The following SCAMP1 variants were observed in gnomAD, a reference collection of about 807,000 sequenced individuals.
The protein encoded by SCAMP1 is secretory carrier membrane protein 1.
Under a neutral mutation model 41.8 loss-of-function variants are expected in SCAMP1, and 15 were observed. That is an observed-to-expected ratio of 0.36 (90% CI 0.24 to 0.55). SCAMP1 has a LOEUF of 0.55. Ranked by LOEUF, SCAMP1 falls within the 20% of genes least tolerant of loss-of-function variation. The probability of loss-of-function intolerance (pLI) is 0.86; values close to 1 mark genes in which losing one functional copy is unlikely to be tolerated. For missense variants in SCAMP1, 341 were observed against 412.6 expected (o/e 0.83, Z 1.50); for synonymous variants, 135 against 136.8 (o/e 0.99, Z 0.09).
intron 6 of SCAMP1, among the ~76,000 whole-genome samples, chr5:78,427,144 T>C (rs1239056124): frequency 6.6e-6 from 1 of 152,148 alleles, no homozygotes; most frequent in Non-Finnish European, 1.5e-5. Context: ...GGTGCCAGCA[T>C]TTGCTTCTAG....
intron 3 of SCAMP1, 126 bp from the exon 4 acceptor site, chr5:78,416,415 T>A: frequency 1.6e-6 from 1 of 641,570 alleles, no homozygotes; most frequent in Non-Finnish European, 2.6e-6. Flanking sequence ...TTCAGTAAAT[T>A]CCTGTACTTT....
chr5:78,425,203 T>C (rs1305428920), intron 6 of SCAMP1, among the ~76,000 whole-genome samples: 2 of 152,232 alleles, frequency 1.3e-5, no homozygotes, highest in Admixed American at 1.3e-4. Context: ...AAGACAATTT[T>C]CAAAGTAGTA....
Position 78,456,353 on chromosome 5 carries a change from T to G in SCAMP1, c.735-2892T>G, listed in dbSNP as rs1753400227. 3.3e-5 allele frequency among the ~76,000 whole-genome samples: 5 copies of G among 152,196 alleles called. 1 individual carries two copies. The South Asian group carries it at 1.0e-3, about 32-fold the overall frequency. On this transcript the variant is annotated intron_variant, in intron 7 of 8. Coordinates refer to ENST00000621999, the MANE Select transcript of SCAMP1 (RefSeq NM_004866.6). ...GTTCTTTTCCATGTTTAGCGTTTCC[T>G]TCAGGAACTCTTTTAGGGCAGGCCT...
chr5:78,439,562 T>C (rs1417854865), intron 6 of SCAMP1, among the ~76,000 whole-genome samples: 1 of 152,254 alleles, frequency 6.6e-6, no homozygotes, highest in Non-Finnish European at 1.5e-5. Flanking sequence ...TTCTGGCTTG[T>C]AGGGTTTTTG....
chr5:78,417,293 A>G lies in SCAMP1; in HGVS notation c.343+644A>G, dbSNP rs1425783930. ...GCAATGCAAAGCTAGAACAATAACA[A>G]TATACAGAACTATTTCTTTTTAACT... On this transcript the variant is annotated intron_variant, in intron 4 of 8. Transcript: ENST00000621999. Among the ~76,000 whole-genome samples, 3 of 152,366 alleles carry G rather than the reference A, an allele frequency of 2.0e-5. 1 individual carries two copies. The highest frequency in any genetic ancestry group is 4.1e-4 in the South Asian group (2 of 4,826).
intron 6 of SCAMP1, among the ~76,000 whole-genome samples, chr5:78,437,489 G>T (rs1436884244): frequency 6.6e-6 from 1 of 152,162 alleles, no homozygotes; most frequent in Non-Finnish European, 1.5e-5. Flanking sequence ...TTTTGTCTTT[G>T]GTTCTGTTTA....
At chr5:78,367,564 A>G (rs1157267453) in intron 1 of SCAMP1, among the ~76,000 whole-genome samples, 6 of 152,222 alleles carry the variant, frequency 3.9e-5, no homozygotes, top group Admixed American at 3.9e-4. Flanking sequence ...TGAATCTACA[A>G]GGCTTCTTGA....
At chr5:78,368,531 A>G (rs1750856659) in intron 1 of SCAMP1, among the ~76,000 whole-genome samples, 1 of 152,236 alleles carries the variant, frequency 6.6e-6, no homozygotes, top group South Asian at 2.1e-4. Context: ...TGAAAAATAT[A>G]TATTGGCTTA....
intron 2 of SCAMP1, among the ~76,000 whole-genome samples, chr5:78,391,250 C>T (rs1751487905): frequency 6.6e-6 from 1 of 151,330 alleles, no homozygotes; most frequent in South Asian, 2.1e-4. Flanking sequence ...CGCCCCTCAC[C>T]TCCCGGACGG....
intron 6 of SCAMP1, among the ~76,000 whole-genome samples, chr5:78,440,069 G>T (rs1337063534): frequency 1.3e-5 from 2 of 152,100 alleles, no homozygotes; most frequent in African/African-American, 4.8e-5. Context: ...TCCTTTTAAG[G>T]TCTTCTCTAT....
intron 6 of SCAMP1, among the ~76,000 whole-genome samples, chr5:78,437,288 G>T (rs561628469): frequency 6.6e-6 from 1 of 152,302 alleles, no homozygotes; most frequent in African/African-American, 2.4e-5. Context: ...CTTGTCTTGT[G>T]CCGGTTTTCA....
At chr5:78,422,628 A>G (rs932818507) in intron 6 of SCAMP1, among the ~76,000 whole-genome samples, 2 of 151,910 alleles carry the variant, frequency 1.3e-5, no homozygotes, top group Admixed American at 1.3e-4. Context: ...AAGGTTAAGC[A>G]AGTTTCTTCA....
At chr5:78,457,351 A>G (rs1030509103) in intron 7 of SCAMP1, among the ~76,000 whole-genome samples, 1 of 151,648 alleles carries the variant, frequency 6.6e-6, no homozygotes, top group Admixed American at 6.6e-5. Context: ...GGTGATGTAC[A>G]GATGGGTTTT....
chr5:78,469,912 AC>A (rs869243155), intron 8 of SCAMP1, among the ~76,000 whole-genome samples: 52,631 of 91,566 alleles, frequency 0.57, 15,704 homozygotes, highest in African/African-American at 0.64. Flanking sequence ...AAAAAAAAAA[AC>A]AAAAAAAAAA....
chr5:78,409,956 G>A (rs1580672591), intron 2 of SCAMP1, among the ~76,000 whole-genome samples: 1 of 152,066 alleles, frequency 6.6e-6, no homozygotes, highest in African/African-American at 2.4e-5. Context: ...TATTGTTGCT[G>A]CTTATTACAC....
rs370219824 is a variant in SCAMP1 at position 78,470,593 on chromosome 5, A to G, written c.853-4911A>G. On this transcript the variant is annotated intron_variant, in intron 8 of 8. Transcript: ENST00000621999. ...TTTGAGATTTTCCCACCTTTTGGCT[A>G]TTGTGAATAGTGCTGCCGTGAACAT... Among the ~76,000 whole-genome samples, 88 of 152,196 alleles carry G rather than the reference A, an allele frequency of 5.8e-4. 1 individual carries two copies. In the East Asian group the frequency reaches 7.7e-3, roughly 13 times the overall value.
intron 2 of SCAMP1, among the ~76,000 whole-genome samples, chr5:78,401,216 C>A (rs1751789022): frequency 6.6e-6 from 1 of 152,016 alleles, no homozygotes; most frequent in Admixed American, 6.5e-5. Flanking sequence ...TGATTCGTTT[C>A]ATATATGGTT....
At chr5:78,433,725 A>C (rs920142966) in intron 6 of SCAMP1, among the ~76,000 whole-genome samples, 2 of 151,924 alleles carry the variant, frequency 1.3e-5, no homozygotes, top group African/African-American at 4.8e-5. Flanking sequence ...CCAGGAGTAG[A>C]GTGCTGTTAC....
intron 1 of SCAMP1, among the ~76,000 whole-genome samples, chr5:78,386,009 T>G (rs1286164214): frequency 6.6e-6 from 1 of 152,198 alleles, no homozygotes; most frequent in African/African-American, 2.4e-5. Context: ...GTTTCTTTGT[T>G]GACTTTTTGT....
Sources: gnomAD v4.1 joint callset for allele counts (sites outside exome capture counted in the v4.1 genomes callset) on GRCh38, gnomAD v4.1.1 for gene constraint, MANE v1.5 for transcripts, NCBI Gene and HGNC (gene_info 2026-07-23, HGNC 2026-07-21) for gene names.